The following CDC42 variants were observed in gnomAD, a reference collection of about 807,000 sequenced individuals.
The protein encoded by CDC42 is cell division cycle 42, also known as cell division control protein 42 homolog.
A neutral mutation model predicts 20.8 loss-of-function variants in CDC42; 1 was observed. That is an observed-to-expected ratio of 0.05 (90% CI 0.02 to 0.23). The LOEUF (loss-of-function observed/expected upper bound fraction) is 0.23, where lower values mean the gene tolerates loss of function less well. Among genes scored for constraint, CDC42 ranks in the 10% least tolerant of loss-of-function variants. The probability of loss-of-function intolerance (pLI) is 1.00; values close to 1 mark genes in which losing one functional copy is unlikely to be tolerated. For synonymous variants in CDC42, 72 were observed against 84.8 expected (o/e 0.85, Z 0.83); for missense variants, 49 against 227.9 (o/e 0.21, Z 5.05).
At chr1:22,059,398 CTT>C (rs1645338444) in intron 1 of CDC42, 1 of 152,142 alleles carries the variant, frequency 6.6e-6, no homozygotes, top group Non-Finnish European at 1.5e-5. Flanking sequence ...ATTATGAAAA[CTT>C]AGGTGAAATA....
At chr1:22,080,828 A>G (rs1645599343) in intron 2 of CDC42, among the ~76,000 whole-genome samples, 2 of 152,162 alleles carry the variant, frequency 1.3e-5, no homozygotes, top group Admixed American at 6.5e-5. Flanking sequence ...GTTAAAGAAG[A>G]TGTCTTAGAT....
chr1:22,054,638 A>G (rs1645275283), intron 1 of CDC42, among the ~76,000 whole-genome samples: 1 of 152,044 alleles, frequency 6.6e-6, no homozygotes, highest in Non-Finnish European at 1.5e-5. Context: ...ATTTCTATAG[A>G]GAACAGATTG....
intron 1 of CDC42, among the ~76,000 whole-genome samples, chr1:22,065,760 G>A (rs917063129): frequency 2.5e-5 from 3 of 121,654 alleles, no homozygotes; most frequent in African/African-American, 6.4e-5. Context: ...TAAAAATCTC[G>A]TCTTTTTTTG....
intron 1 of CDC42, among the ~76,000 whole-genome samples, chr1:22,070,828 C>T (rs919194458): frequency 1.3e-5 from 2 of 151,842 alleles, no homozygotes; most frequent in African/African-American, 4.8e-5. Flanking sequence ...AACGTGAGGT[C>T]CCGTTCCAGC....
chr1:22,062,563 A>G lies in CDC42; in HGVS notation c.-51+9821A>G, dbSNP rs369988591. On this transcript the variant is annotated intron_variant, in intron 1 of 5. Coordinates refer to ENST00000656825, the MANE Select transcript of CDC42 (RefSeq NM_001791.4). ...AAAGATTTGTCTTTTTGGTGCATGT[A>G]TAAGAACATAAGTTGCCTGATCTTA... Among the ~76,000 whole-genome samples the G allele has an allele frequency of 1.4e-4, 21 of 152,112 alleles. 1 individual carries two copies. The highest frequency in any genetic ancestry group is 1.1e-3 in the Admixed American group (17 of 15,256).
rs148774265 is a variant in CDC42 at position 22,098,795 on chromosome 1, G to A, written c.*7278G>A. Among the ~76,000 whole-genome samples the A allele has an allele frequency of 3.7e-4, 56 of 152,248 alleles. No individual in the cohort carries two copies. The East Asian group carries it at 7.3e-3, about 20-fold the overall frequency. Reference sequence around the variant, plus strand: ...TTTTTTGGAGACAGGGTCTCACTCTGTCACCCAGGCTGGAGTGCAGTGTCG... The same window carrying A: ...TTTTTTGGAGACAGGGTCTCACTCTATCACCCAGGCTGGAGTGCAGTGTCG... On this transcript the variant is annotated 3_prime_UTR_variant, in exon 6 of 6. Coordinates refer to ENST00000656825, the MANE Select transcript of CDC42 (RefSeq NM_001791.4).
chr1:22,092,326 C>CT lies in CDC42; in HGVS notation c.*812dup, dbSNP rs1267311257. 1 of 152,568 alleles carries CT rather than the reference C, an allele frequency of 6.6e-6. No homozygotes were observed. The highest frequency in any genetic ancestry group is 1.5e-5 in the Non-Finnish European group (1 of 68,024). The allele number at this position is 152,568 out of a possible 1,614,324, so 9.5% of individuals were successfully genotyped here. On this transcript the variant is annotated 3_prime_UTR_variant, in exon 6 of 6. Coordinates refer to ENST00000656825, the MANE Select transcript of CDC42 (RefSeq NM_001791.4). ...TTTTTGGGAAGTTAATTTCTAACTT[C>CT]TTTCACTGATAAATGAAGAAAAGTA...
chr1:22,057,120 G>A (rs977416782), intron 1 of CDC42, among the ~76,000 whole-genome samples: 2 of 152,196 alleles, frequency 1.3e-5, no homozygotes, highest in South Asian at 2.1e-4. Flanking sequence ...TCTAAGTAAC[G>A]TCTTTGTGAC....
chr1:22,062,461 G>T (rs1288001300), intron 1 of CDC42, among the ~76,000 whole-genome samples: 1 of 152,130 alleles, frequency 6.6e-6, no homozygotes, highest in Admixed American at 6.5e-5. Flanking sequence ...ATGTCTGCTT[G>T]TTTAGGATTT....
At position 22,062,241 on chromosome 1, in the gene CDC42, AC is replaced by A. The variant is rs17837950; in HGVS notation, c.-51+9502del. On this transcript the variant is annotated intron_variant, in intron 1 of 5. Coordinates refer to ENST00000656825, the MANE Select transcript of CDC42 (RefSeq NM_001791.4). ...GTGAGCCTCCATGCCTGGCTGTTTGACCCATTTAAAAAATGGCTTGTGGTTT... is the reference window on the plus strand; with the variant it reads ...GTGAGCCTCCATGCCTGGCTGTTTGACCATTTAAAAAATGGCTTGTGGTTT... 9.5e-3 allele frequency among the ~76,000 whole-genome samples: 1,446 copies of A among 152,236 alleles called. 22 individuals are homozygous for A. Among genetic ancestry groups the A allele is most frequent in the African/African-American group, 0.033 (1,362 of 41,534 alleles).
In CDC42 at chr1:22,099,288, A is replaced by C. The variant is rs994488611; in HGVS notation, c.*7771A>C. 5.3e-5 allele frequency among the ~76,000 whole-genome samples: 8 copies of C among 152,374 alleles called. No individual in the cohort carries two copies. Among genetic ancestry groups the C allele is most frequent in the African/African-American group, 1.9e-4 (8 of 41,594 alleles). ...AAGAAATGGGGACATATTCTGGCGAAATAACAGCTTTGTTAATTGAGCTCT... is the reference window on the plus strand; with the variant it reads ...AAGAAATGGGGACATATTCTGGCGACATAACAGCTTTGTTAATTGAGCTCT... On this transcript the variant is annotated 3_prime_UTR_variant, in exon 6 of 6. Transcript: ENST00000656825.
At position 22,078,458 on chromosome 1, in the gene CDC42, G is replaced by T. The variant is rs373664682; in HGVS notation, c.-21G>T. ...TCATCAGATTTGAAATATTTAAAGT[G>T]GATACAAAACTATTTCAGCAATGCA... On this transcript the variant is annotated 5_prime_UTR_variant, in exon 2 of 6. Coordinates refer to ENST00000656825, the MANE Select transcript of CDC42 (RefSeq NM_001791.4). 69 of 1,545,650 alleles carry T rather than the reference G, an allele frequency of 4.5e-5. No homozygotes were observed. The highest frequency in any genetic ancestry group is 6.1e-5 in the Non-Finnish European group (69 of 1,126,290).
At chr1:22,078,885 A>AAT in intron 2 of CDC42, 1 of 1,058,408 alleles carries the variant, frequency 9.4e-7, no homozygotes, top group Non-Finnish European at 1.2e-6. Context: ...GAATGAGGTG[A>AAT]CTTTTTTTTT....
chr1:22,057,516 C>T (rs1645315476), intron 1 of CDC42, among the ~76,000 whole-genome samples: 1 of 152,084 alleles, frequency 6.6e-6, no homozygotes, highest in African/African-American at 2.4e-5. Flanking sequence ...TCTTGAGTAG[C>T]TGGGATTGCA....
chr1:22,080,587 T>A (rs16826486), intron 2 of CDC42, among the ~76,000 whole-genome samples: 76 of 149,310 alleles, frequency 5.1e-4, no homozygotes, highest in African/African-American at 1.7e-3. Flanking sequence ...TTTATAGATA[T>A]CATTTAATTT....
intron 3 of CDC42, among the ~76,000 whole-genome samples, chr1:22,082,714 G>A (rs566282223): frequency 3.2e-4 from 48 of 152,268 alleles, no homozygotes; most frequent in African/African-American, 1.1e-3. Flanking sequence ...TTGAGAACGT[G>A]AAATGGAGAG....
rs1265197632 is a variant in CDC42 at position 22,093,872 on chromosome 1, A to G, written c.*2355A>G. Reference sequence around the variant, plus strand: ...GCAATGCTTGACATGATATGGCTCTAGAAGTAGTCATTGGATGGGTATATT... The same window carrying G: ...GCAATGCTTGACATGATATGGCTCTGGAAGTAGTCATTGGATGGGTATATT... On this transcript the variant is annotated 3_prime_UTR_variant, in exon 6 of 6. Coordinates refer to ENST00000656825, the MANE Select transcript of CDC42 (RefSeq NM_001791.4). Among the ~76,000 whole-genome samples, 1 of 152,208 alleles carries G rather than the reference A, an allele frequency of 6.6e-6. No homozygotes were observed. Among genetic ancestry groups the G allele is most frequent in the African/African-American group, 2.4e-5 (1 of 41,440 alleles).
chr1:22,063,209 C>A (rs555220929), intron 1 of CDC42, among the ~76,000 whole-genome samples: 1 of 151,982 alleles, frequency 6.6e-6, no homozygotes, highest in Non-Finnish European at 1.5e-5. Flanking sequence ...AGATTACTCT[C>A]CCATGTTTAC....
chr1:22,054,921 A>T (rs3117049), intron 1 of CDC42, among the ~76,000 whole-genome samples: 185 of 19,364 alleles, frequency 9.6e-3, no homozygotes, highest in East Asian at 0.091. Flanking sequence ...ATATATATAT[A>T]TTTTTTTTTT....
Sources: allele counts gnomAD v4.1 joint callset (sites outside exome capture counted in the v4.1 genomes callset), GRCh38; gene constraint gnomAD v4.1.1; transcripts MANE v1.5; gene names NCBI Gene and HGNC (gene_info 2026-07-23, HGNC 2026-07-21).